ADAMTSL1: variants seen among roughly 807,000 people sequenced by gnomAD.
The protein encoded by ADAMTSL1 is ADAMTS-like protein 1.
Under a neutral mutation model 201.8 loss-of-function variants are expected in ADAMTSL1, and 126 were observed. The observed-to-expected ratio is 0.62, with a 90% CI of 0.54 to 0.72. The LOEUF is 0.72. Ranked by LOEUF, ADAMTSL1 falls within the 30% of genes least tolerant of loss-of-function variation. The pLI is 0.00. For missense variants in ADAMTSL1, 2,679 were observed against 2,277.8 expected (o/e 1.18, Z -3.59); for synonymous variants, 1,121 against 903.4 (o/e 1.24, Z -4.32).
chr9:18,669,625 C>G (rs1829690897), intron 9 of ADAMTSL1, among the ~76,000 whole-genome samples: 1 of 152,100 alleles, frequency 6.6e-6, no homozygotes. Context: ...TAGGGAAACT[C>G]TCTGTGTTTT....
intron 17 of ADAMTSL1, among the ~76,000 whole-genome samples, chr9:18,770,999 T>C (rs558841583): frequency 1.5e-4 from 23 of 152,326 alleles, no homozygotes; most frequent in African/African-American, 5.3e-4. Context: ...AATCGGAAGC[T>C]TGGAATTGTA....
At chr9:18,888,269 C>T (rs1391104976) in intron 24 of ADAMTSL1, among the ~76,000 whole-genome samples, 1 of 152,184 alleles carries the variant, frequency 6.6e-6, no homozygotes, top group African/African-American at 2.4e-5. Flanking sequence ...GCCAGTGCTG[C>T]CTTCATAAAT....
intron 2 of ADAMTSL1, among the ~76,000 whole-genome samples, chr9:18,290,760 G>A (rs1467746829): frequency 6.8e-6 from 1 of 147,822 alleles, no homozygotes; most frequent in East Asian, 2.0e-4. Context: ...GCTCAGGGTT[G>A]AAAGCTGGCT....
At chr9:18,588,317 T>C (rs993738816) in intron 4 of ADAMTSL1, among the ~76,000 whole-genome samples, 10 of 152,090 alleles carry the variant, frequency 6.6e-5, no homozygotes, top group Non-Finnish European at 1.3e-4. Flanking sequence ...ATCAGAAATT[T>C]TTTTTCTTTG....
chr9:18,099,668 C>T (rs143892080), intron 1 of ADAMTSL1, among the ~76,000 whole-genome samples: 2 of 140,828 alleles, frequency 1.4e-5, no homozygotes, highest in African/African-American at 2.7e-5. Context: ...GATGGAGTCT[C>T]GCTCTGTTGC....
intron 23 of ADAMTSL1, among the ~76,000 whole-genome samples, chr9:18,854,664 G>C (rs894620731): frequency 1.3e-5 from 2 of 152,174 alleles, no homozygotes; most frequent in African/African-American, 4.8e-5. Context: ...CAGAGAGAAA[G>C]AGCTAGAGAA....
chr9:18,813,031 A>G (rs1823606065), intron 20 of ADAMTSL1, among the ~76,000 whole-genome samples: 1 of 150,414 alleles, frequency 6.6e-6, no homozygotes, highest in African/African-American at 2.5e-5. Context: ...GCAGTGGCAC[A>G]ATCTCAGCTT....
intron 1 of ADAMTSL1, among the ~76,000 whole-genome samples, chr9:18,054,320 C>G (rs1205435324): frequency 1.3e-5 from 2 of 152,120 alleles, no homozygotes; most frequent in African/African-American, 2.4e-5. Flanking sequence ...TCAATTTTTT[C>G]CATTTCTAAG....
rs767745732 is a variant in ADAMTSL1, at chr9:18,795,445, A to G, written c.3726A>G (p.Glu1242=). The G allele has an allele frequency of 1.2e-6, 2 of 1,613,910 alleles. No homozygotes were observed. The highest frequency in any genetic ancestry group is 1.1e-5 in the South Asian group (1 of 91,082). The change falls in exon 20 of 29, where the codon GAA becomes GAG. Residue 1242 remains glutamate, a synonymous_variant. Coordinates refer to ENST00000380548, the MANE Select transcript of ADAMTSL1 (RefSeq NM_001040272.6). ...DDSLQILAPV[E]ADVGFYTCNA... is the part of the protein sequence containing the mutation. ...CCTTACAGATCTTGGCACCAGTGGA[A>G]GCAGATGTGGGTTTCTACACTTGCA...
intron 2 of ADAMTSL1, among the ~76,000 whole-genome samples, chr9:18,374,270 T>C (rs1306657559): frequency 6.6e-6 from 1 of 152,172 alleles, no homozygotes; most frequent in African/African-American, 2.4e-5. Flanking sequence ...AGATACTGAC[T>C]TACCAATAGG....
chr9:18,353,582 A>G (rs1586951270), intron 2 of ADAMTSL1, among the ~76,000 whole-genome samples: 2 of 152,340 alleles, frequency 1.3e-5, no homozygotes, highest in East Asian at 3.9e-4. Context: ...TATGGGTTAA[A>G]TATAGTTAGT....
At chr9:18,376,956 A>G (rs934769520) in intron 2 of ADAMTSL1, among the ~76,000 whole-genome samples, 2 of 152,358 alleles carry the variant, frequency 1.3e-5, no homozygotes, top group East Asian at 3.9e-4. Context: ...ATTTTTATAC[A>G]TGTTGCTTAT....
At chr9:18,598,019 T>G (rs553329561) in intron 4 of ADAMTSL1, among the ~76,000 whole-genome samples, 21 of 152,262 alleles carry the variant, frequency 1.4e-4, no homozygotes, top group Non-Finnish European at 2.6e-4. Context: ...GTGTTTTTGA[T>G]GTGGACTGAC....
At chr9:18,674,168 C>G (rs1829995541) in intron 9 of ADAMTSL1, among the ~76,000 whole-genome samples, 1 of 150,538 alleles carries the variant, frequency 6.6e-6, no homozygotes, top group African/African-American at 2.4e-5. Flanking sequence ...TTTTCTTATA[C>G]ATTGTTACTG....
chr9:17,970,832 C>G lies in ADAMTSL1; in HGVS notation c.87+63910C>G, dbSNP rs536716893. 2.0e-5 allele frequency among the ~76,000 whole-genome samples: 3 copies of G among 152,066 alleles called. No individual in the cohort carries two copies. In the South Asian group the frequency reaches 6.2e-4, roughly 32 times the overall value. On this transcript the variant is annotated intron_variant, in intron 1 of 29. Transcript: ENST00000680146. Reference sequence around the variant, plus strand: ...TGAATTTGCCAAAAAATATTTATGTCTTTTCCCTGTGAAACTCCATGCTTT... The same window carrying G: ...TGAATTTGCCAAAAAATATTTATGTGTTTTCCCTGTGAAACTCCATGCTTT...
At chr9:18,008,074 A>G (rs950051852) in intron 1 of ADAMTSL1, among the ~76,000 whole-genome samples, 5 of 151,992 alleles carry the variant, frequency 3.3e-5, no homozygotes, top group African/African-American at 1.2e-4. Context: ...TGCATTGGTA[A>G]TTTCATTTTT....
intron 16 of ADAMTSL1, among the ~76,000 whole-genome samples, chr9:18,754,946 A>G (rs1277224269): frequency 6.6e-6 from 1 of 152,168 alleles, no homozygotes; most frequent in Non-Finnish European, 1.5e-5. Flanking sequence ...AATCCTCACA[A>G]CAATTCAGTT....
At chr9:18,414,956 A>G (rs1347723351) in intron 2 of ADAMTSL1, among the ~76,000 whole-genome samples, 1 of 152,198 alleles carries the variant, frequency 6.6e-6, no homozygotes, top group Non-Finnish European at 1.5e-5. Flanking sequence ...TTTAGGGTAG[A>G]CTGCTAGGAA....
chr9:18,725,096 C>T (rs766159838), intron 15 of ADAMTSL1, among the ~76,000 whole-genome samples: 52 of 152,188 alleles, frequency 3.4e-4, no homozygotes, highest in East Asian at 7.7e-4. Flanking sequence ...TTAGTAGGGA[C>T]GGGGTTTCAC....
Sources: gnomAD v4.1 joint callset for allele counts (sites outside exome capture counted in the v4.1 genomes callset) on GRCh38, gnomAD v4.1.1 for gene constraint, MANE v1.5 for transcripts, NCBI Gene and HGNC (gene_info 2026-07-23, HGNC 2026-07-21) for gene names.